Variants in FEZ1 observed in about 807,000 individuals in gnomAD.
FEZ1 encodes fasciculation and elongation protein zeta-1.
In FEZ1, 20 loss-of-function variants were observed where a neutral mutation model predicts 49.3. The observed-to-expected ratio is 0.41, with a 90% confidence interval of 0.29 to 0.59. FEZ1 has a LOEUF of 0.59. FEZ1 is among the 20% of genes least tolerant of loss of function. The probability of loss-of-function intolerance (pLI) is 0.36; values close to 1 mark genes in which losing one functional copy is unlikely to be tolerated. For synonymous variants in FEZ1, 170 were observed against 180.9 expected, an observed-to-expected ratio of 0.94 and a Z score of 0.48; for missense variants, 413 against 476.0, an observed-to-expected ratio of 0.87 and a Z score of 1.23.
chr11:125,492,979 A>T (rs1957395923), intron 1 of FEZ1, among the ~76,000 whole-genome samples: 1 of 151,128 alleles, frequency 6.6e-6, no homozygotes, highest in Admixed American at 6.6e-5. Flanking sequence ...AAAAAAAAAA[A>T]AAAAAAAGTT....
At chr11:125,454,603 G>A (rs1419477740) in intron 6 of FEZ1, among the ~76,000 whole-genome samples, 5 of 152,136 alleles carry the variant, frequency 3.3e-5, no homozygotes, top group Non-Finnish European at 7.4e-5. Context: ...TGTCCTGATG[G>A]GGGAAGTTTT....
At chr11:125,449,336 C>T (rs539030798) in intron 8 of FEZ1, among the ~76,000 whole-genome samples, 2 of 140,948 alleles carry the variant, frequency 1.4e-5, no homozygotes, top group Non-Finnish European at 3.0e-5. Context: ...CACTGCACTC[C>T]AACCTGGGCA....
chr11:125,454,749 C>G (rs1013050540), intron 6 of FEZ1, among the ~76,000 whole-genome samples: 1 of 152,118 alleles, frequency 6.6e-6, no homozygotes, highest in Non-Finnish European at 1.5e-5. Context: ...GGCGCAGTGG[C>G]TCACACCTGT....
chr11:125,474,427 C>T (rs1002457659), intron 3 of FEZ1, among the ~76,000 whole-genome samples: 4 of 151,986 alleles, frequency 2.6e-5, no homozygotes, highest in Non-Finnish European at 5.9e-5. Context: ...CTTAGTCTCC[C>T]AAAATGCTGG....
intron 2 of FEZ1, among the ~76,000 whole-genome samples, chr11:125,487,685 A>G (rs1196693589): frequency 6.6e-6 from 1 of 152,212 alleles, no homozygotes; most frequent in East Asian, 1.9e-4. Context: ...AAAAGAAAAG[A>G]AGGAAATGGT....
At position 125,445,442 on chromosome 11, in the gene FEZ1, T is replaced by G. The variant is rs1956890277; in HGVS notation, c.*653A>C. 6.6e-6 allele frequency among the ~76,000 whole-genome samples: 1 copy of G among 152,210 alleles called. No homozygotes were observed. Among genetic ancestry groups the G allele is most frequent in the Non-Finnish European group, 1.5e-5 (1 of 68,032 alleles). On this transcript the variant is annotated 3_prime_UTR_variant, in exon 10 of 10. Transcript: ENST00000278919. This position sits in a 1 kb window ranked among gnomAD's most constrained non-coding sequence, Gnocchi z 4.4. ...ATGAGGCCCACTTTCTATCTGCTAATTGCACACTCTCACCCCCGTCTCACC... is the reference window on the plus strand; with the variant it reads ...ATGAGGCCCACTTTCTATCTGCTAAGTGCACACTCTCACCCCCGTCTCACC...
rs1467281994 is a variant in FEZ1, at chr11:125,443,938, T to C, written c.*2157A>G. Reference sequence around the variant, plus strand: ...GGGAAAGGAGTGGCTGACCCAGATCTGACAAATCCAAGGCAGGAAGAAAAG... The same window carrying C: ...GGGAAAGGAGTGGCTGACCCAGATCCGACAAATCCAAGGCAGGAAGAAAAG... On this transcript the variant is annotated 3_prime_UTR_variant, in exon 10 of 10. Transcript: ENST00000278919. Among the ~76,000 whole-genome samples the C allele has an allele frequency of 2.6e-5, 4 of 152,220 alleles. No homozygotes were observed. The highest frequency in any genetic ancestry group is 7.2e-5 in the African/African-American group (3 of 41,446).
At chr11:125,463,828 C>G (rs888871919) in intron 3 of FEZ1, among the ~76,000 whole-genome samples, 1 of 152,208 alleles carries the variant, frequency 6.6e-6, no homozygotes, top group Admixed American at 6.5e-5. Flanking sequence ...GAATGGCCAG[C>G]ACCATTCTGA....
intron 3 of FEZ1, among the ~76,000 whole-genome samples, chr11:125,469,912 G>A (rs1957168966): frequency 1.3e-5 from 2 of 151,646 alleles, no homozygotes; most frequent in African/African-American, 4.9e-5. Flanking sequence ...TTTTGGTAGA[G>A]TTGTAGAGAT....
rs927529935 is a variant in FEZ1 at position 125,442,958 on chromosome 11, A to C, written c.*3137T>G. On this transcript the variant is annotated 3_prime_UTR_variant, in exon 10 of 10. Coordinates refer to ENST00000278919, the MANE Select transcript of FEZ1 (RefSeq NM_005103.5). ...ACCATGTTGGCCAGGCTGGTCTCAA[A>C]CTCCTGACCTCAGGTGATCTGCCCA... Among the ~76,000 whole-genome samples, 1 of 150,278 alleles carries C rather than the reference A, an allele frequency of 6.7e-6. No individual in the cohort carries two copies. Among genetic ancestry groups the C allele is most frequent in the Non-Finnish European group, 1.5e-5 (1 of 67,600 alleles).
chr11:125,448,687 T>C, intron 8 of FEZ1, 120 bp from the exon 9 acceptor site: 1 of 705,256 alleles, frequency 1.4e-6, no homozygotes, highest in Non-Finnish European at 2.5e-6. Context: ...CAGACATTTA[T>C]TGAGTATTGA....
chr11:125,460,079 G>A (rs908984880), intron 5 of FEZ1, among the ~76,000 whole-genome samples: 1 of 151,930 alleles, frequency 6.6e-6, no homozygotes, highest in African/African-American at 2.4e-5. Flanking sequence ...CTGGGTGACA[G>A]ACAGAGAGAG....
intron 3 of FEZ1, among the ~76,000 whole-genome samples, chr11:125,470,867 A>G (rs903161827): frequency 1.2e-4 from 18 of 152,326 alleles, no homozygotes; most frequent in African/African-American, 3.8e-4. Context: ...AAAGACAACT[A>G]ACTGTCTAAA....
chr11:125,477,131 A>G (rs1317570843), intron 3 of FEZ1, among the ~76,000 whole-genome samples: 1 of 152,164 alleles, frequency 6.6e-6, no homozygotes, highest in Non-Finnish European at 1.5e-5. Context: ...TATACTTTTT[A>G]ATTTTCTGAA....
At chr11:125,455,759 C>G in intron 6 of FEZ1, 76 bp downstream of exon 6, 1 of 1,473,800 alleles carries the variant, frequency 6.8e-7, no homozygotes, top group African/African-American at 1.4e-5. Flanking sequence ...GAGTCCCCTG[C>G]AGGGTTGGTA....
chr11:125,452,834 C>CA (rs1956970237), intron 7 of FEZ1: 1 of 158,670 alleles, frequency 6.3e-6, no homozygotes, highest in South Asian at 1.9e-4. Context: ...AGATTTGCTC[C>CA]CTCTGCTGGA....
rs80135502 is a variant in FEZ1, at chr11:125,452,237, T to C, written c.1096+97A>G. 1.9e-4 allele frequency: 161 copies of C among 825,698 alleles called. 1 individual carries two copies. The East Asian group carries it at 3.5e-3, about 18-fold the overall frequency. 51.1% of individuals were successfully genotyped at this position (825,698 alleles called of 1,614,324 possible). On this transcript the variant is annotated intron_variant, in intron 8 of 9. Coordinates refer to ENST00000278919, the MANE Select transcript of FEZ1 (RefSeq NM_005103.5). ...GGTATTTTGGCCCATGTAAACCTGC[T>C]TTGAGGAGTCTCGGGCCTGCGGCAC...
intron 3 of FEZ1, among the ~76,000 whole-genome samples, chr11:125,467,230 A>G (rs1957139139): frequency 6.6e-6 from 1 of 151,910 alleles, no homozygotes; most frequent in Non-Finnish European, 1.5e-5. Context: ...TTTTTTAGAG[A>G]TAGGGGTCTC....
intron 1 of FEZ1, among the ~76,000 whole-genome samples, chr11:125,493,422 GAAGGA>G (rs1957411959): frequency 2.7e-5 from 1 of 37,598 alleles, no homozygotes; most frequent in Non-Finnish European, 4.7e-5. Flanking sequence ...AAGAAAGAAA[GAAGGA>G]AAGAAGGAAA....
Sources: allele counts gnomAD v4.1 joint callset (sites outside exome capture counted in the v4.1 genomes callset), GRCh38; gene constraint gnomAD v4.1.1; non-coding constraint Gnocchi (gnomAD v3.1); transcripts MANE v1.5; gene names NCBI Gene and HGNC (gene_info 2026-07-23, HGNC 2026-07-21).